Variants in TENM2 observed in about 807,000 individuals in gnomAD.
TENM2 encodes the protein teneurin-2.
In TENM2, 52 loss-of-function variants were observed where a neutral mutation model predicts 245.2. The observed-to-expected ratio is 0.21, with a 90% confidence interval of 0.17 to 0.27. The LOEUF (loss-of-function observed/expected upper bound fraction) is 0.27, where lower values mean the gene tolerates loss of function less well. Ranked by LOEUF, TENM2 falls within the 10% of genes least tolerant of loss-of-function variation. The pLI is 1.00. For synonymous variants in TENM2, 1,363 were observed against 1,438.9 expected (o/e 0.95, Z 1.19); for missense variants, 3,046 against 3,666.8 (o/e 0.83, Z 4.37).
chr5:167,466,146 C>T (rs1766637998), intron 2 of TENM2, among the ~76,000 whole-genome samples: 1 of 152,144 alleles, frequency 6.6e-6, no homozygotes, highest in Admixed American at 6.5e-5. Flanking sequence ...CTCGTTCCTA[C>T]GAATATGGTT....
intron 2 of TENM2, among the ~76,000 whole-genome samples, chr5:167,411,086 GC>G (rs1762883980): frequency 1.3e-5 from 2 of 152,032 alleles, no homozygotes; most frequent in South Asian, 4.1e-4. Flanking sequence ...GAAGAGCATG[GC>G]TTTGTTATTA....
chr5:167,592,845 T>TC (rs1286522730), intron 2 of TENM2, among the ~76,000 whole-genome samples: 3 of 152,180 alleles, frequency 2.0e-5, no homozygotes, highest in African/African-American at 4.8e-5. Context: ...TTGTTTTTTT[T>TC]CTGTTATACA....
At chr5:167,805,002 C>T (rs1172222938) in intron 2 of TENM2, among the ~76,000 whole-genome samples, 1 of 152,174 alleles carries the variant, frequency 6.6e-6, no homozygotes, top group Non-Finnish European at 1.5e-5. Context: ...CACGCTACAG[C>T]TTGTTTCACC....
chr5:167,793,972 GA>G (rs892057104), intron 2 of TENM2, among the ~76,000 whole-genome samples: 1 of 151,594 alleles, frequency 6.6e-6, no homozygotes, highest in Non-Finnish European at 1.5e-5. Flanking sequence ...TGCTTGGAGA[GA>G]AATATCAGAA....
chr5:167,352,169 C>T (rs1157058022), intron 1 of TENM2, among the ~76,000 whole-genome samples: 1 of 152,160 alleles, frequency 6.6e-6, no homozygotes, highest in East Asian at 1.9e-4. Flanking sequence ...ATAAGCTCCA[C>T]CTTCTTAAAT....
At position 167,642,476 on chromosome 5, in the gene TENM2, C is replaced by T. The variant is rs1354184747; in HGVS notation, c.503-233510C>T. Among the ~76,000 whole-genome samples, 19 of 152,162 alleles carry T rather than the reference C, an allele frequency of 1.2e-4. 1 individual carries two copies. Among genetic ancestry groups the T allele is most frequent in the Non-Finnish European group, 2.9e-5 (2 of 68,032 alleles). On this transcript the variant is annotated intron_variant, in intron 2 of 28. Transcript: ENST00000518659. ...ATATATGTGACACACAAGTAGACTC[C>T]TTTTCACTCCTCCTCCTCATCTTCC...
intron 2 of TENM2, among the ~76,000 whole-genome samples, chr5:167,814,107 C>A (rs1212470217): frequency 6.6e-6 from 1 of 152,110 alleles, no homozygotes; most frequent in East Asian, 1.9e-4. Context: ...TGAAATCTGT[C>A]TAAAAAGGTC....
chr5:168,078,321 G>A (rs1791664734), intron 7 of TENM2, among the ~76,000 whole-genome samples: 1 of 152,110 alleles, frequency 6.6e-6, no homozygotes, highest in Non-Finnish European at 1.5e-5. Flanking sequence ...TGTAGATTCT[G>A]GATATTAGCC....
At chr5:167,585,948 A>T (rs1171218601) in intron 2 of TENM2, among the ~76,000 whole-genome samples, 1 of 152,100 alleles carries the variant, frequency 6.6e-6, no homozygotes, top group African/African-American at 2.4e-5. Flanking sequence ...AACATGGCGA[A>T]ACCGCATCTC....
At chr5:167,452,096 CTT>C (rs1290598212) in intron 2 of TENM2, among the ~76,000 whole-genome samples, 2 of 151,984 alleles carry the variant, frequency 1.3e-5, no homozygotes, top group African/African-American at 4.8e-5. Flanking sequence ...ATAATAGTGA[CTT>C]ATTAAAAAAA....
intron 2 of TENM2, among the ~76,000 whole-genome samples, chr5:167,572,128 T>A (rs1016956590): frequency 2.6e-5 from 4 of 152,338 alleles, no homozygotes; most frequent in Admixed American, 6.5e-5. Context: ...GGGGATTACT[T>A]CTTTATTTGG....
At chr5:167,776,380 T>G (rs1763773448) in intron 2 of TENM2, among the ~76,000 whole-genome samples, 1 of 151,660 alleles carries the variant, frequency 6.6e-6, no homozygotes, top group Non-Finnish European at 1.5e-5. Context: ...GTGGATTGCT[T>G]GAGTCCAGGA....
chr5:167,799,245 TTGAG>T lies in TENM2; in HGVS notation c.503-76740_503-76737del, dbSNP rs570382215. ...TGTAAATGCAGGGGAGGGGGTGTACTTGAGATTTTAAATGAACAATAATGTGCAT... is the reference window on the plus strand; with the variant it reads ...TGTAAATGCAGGGGAGGGGGTGTACTATTTTAAATGAACAATAATGTGCAT... On this transcript the variant is annotated intron_variant, in intron 2 of 28. Coordinates refer to ENST00000518659, the Ensembl canonical transcript of TENM2. Among the ~76,000 whole-genome samples, 40 of 152,338 alleles carry T rather than the reference TTGAG, an allele frequency of 2.6e-4. No homozygotes were observed. In the East Asian group the frequency reaches 5.8e-3, roughly 22 times the overall value.
At chr5:167,430,180 T>C (rs991412301) in intron 2 of TENM2, among the ~76,000 whole-genome samples, 1 of 152,132 alleles carries the variant, frequency 6.6e-6, no homozygotes, top group African/African-American at 2.4e-5. Flanking sequence ...TAATGTGATA[T>C]ACTCTACATT....
intron 2 of TENM2, among the ~76,000 whole-genome samples, chr5:167,511,607 C>T (rs1243236170): frequency 6.6e-6 from 1 of 152,142 alleles, no homozygotes; most frequent in African/African-American, 2.4e-5. Context: ...TCTCAGTTTC[C>T]TTCTCCATGA....
the TENM2 span, among the ~76,000 whole-genome samples, chr5:167,251,207 A>C: frequency 6.6e-6 from 1 of 152,126 alleles, no homozygotes; most frequent in Non-Finnish European, 1.5e-5. Context: ...GTGTGCTCAC[A>C]AAGCGCTGGA....
intron 2 of TENM2, among the ~76,000 whole-genome samples, chr5:167,531,546 T>C (rs909744589): frequency 6.6e-6 from 1 of 152,120 alleles, no homozygotes; most frequent in Non-Finnish European, 1.5e-5. Flanking sequence ...ATGCTTTTTG[T>C]TAACTACAGT....
chr5:167,569,518 G>A (rs1211921160), intron 2 of TENM2, among the ~76,000 whole-genome samples: 1 of 152,168 alleles, frequency 6.6e-6, no homozygotes, highest in African/African-American at 2.4e-5. Context: ...TAGAAGGTAG[G>A]AAGACAAGGG....
intron 5 of TENM2, among the ~76,000 whole-genome samples, chr5:168,004,593 A>T (rs1008148361): frequency 6.6e-6 from 1 of 151,844 alleles, no homozygotes; most frequent in African/African-American, 2.4e-5. Context: ...AAAAATGCCA[A>T]TCAGAAACCT....
Sources: allele counts gnomAD v4.1 joint callset (sites outside exome capture counted in the v4.1 genomes callset), GRCh38; gene constraint gnomAD v4.1.1; transcripts MANE v1.5; gene names NCBI Gene and HGNC (gene_info 2026-07-23, HGNC 2026-07-21).